Variants in GABPA observed in about 807,000 individuals in gnomAD.
GABPA encodes GA-binding protein alpha chain.
GABPA carries 4 observed loss-of-function variants against 59.4 expected under a neutral mutation model. The ratio of observed to expected loss-of-function variants is 0.07; its 90% confidence interval spans 0.03 to 0.15. The LOEUF is 0.15. Among genes scored for constraint, GABPA ranks in the 10% least tolerant of loss-of-function variants. GABPA has a pLI of 1.00. For missense variants in GABPA, 251 were observed against 543.8 expected (o/e 0.46, Z 5.36); for synonymous variants, 164 against 183.1 (o/e 0.90, Z 0.84).
At chr21:25,739,337 A>T (rs2035159998) in intron 1 of GABPA, among the ~76,000 whole-genome samples, 1 of 152,260 alleles carries the variant, frequency 6.6e-6, no homozygotes, top group Non-Finnish European at 1.5e-5. Flanking sequence ...ATGCAAATTT[A>T]GTGGCTTAAA....
chr21:25,751,625 C>T lies in GABPA; in HGVS notation c.308-364C>T, dbSNP rs1180833981. Among the ~76,000 whole-genome samples, 5 of 151,846 alleles carry T rather than the reference C, an allele frequency of 3.3e-5. No individual in the cohort carries two copies. In the East Asian group the frequency reaches 9.6e-4, roughly 29 times the overall value. ...TTAAAATTCCAAGGATAGGTAGCTG[C>T]TCATTTATACTCTGCCTAGTCTAAT... On this transcript the variant is annotated intron_variant, in intron 4 of 9. Coordinates refer to ENST00000400075, the MANE Select transcript of GABPA (RefSeq NM_002040.4).
At chr21:25,758,778 A>ACT (rs914005762) in intron 6 of GABPA, among the ~76,000 whole-genome samples, 2 of 152,202 alleles carry the variant, frequency 1.3e-5, no homozygotes, top group Non-Finnish European at 2.9e-5. Context: ...TTTTCCACTT[A>ACT]TAACTTGTAA....
intron 3 of GABPA, among the ~76,000 whole-genome samples, chr21:25,746,442 A>G (rs1256572274): frequency 6.6e-6 from 1 of 152,208 alleles, no homozygotes; most frequent in Non-Finnish European, 1.5e-5. Context: ...TGTATATTAC[A>G]GAACTTTTTT....
chr21:25,747,926 G>GT (rs1319897939), intron 3 of GABPA, among the ~76,000 whole-genome samples: 4 of 151,266 alleles, frequency 2.6e-5, no homozygotes, highest in Non-Finnish European at 5.9e-5. Context: ...GTTTTGTTTT[G>GT]TTTTTTTGGA....
At chr21:25,743,500 C>T (rs2035278443) in intron 2 of GABPA, among the ~76,000 whole-genome samples, 1 of 151,650 alleles carries the variant, frequency 6.6e-6, no homozygotes, top group African/African-American at 2.4e-5. Flanking sequence ...ATATGTATGA[C>T]CTATGTGAAG....
intron 3 of GABPA, among the ~76,000 whole-genome samples, chr21:25,745,795 T>A (rs2035347049): frequency 6.6e-6 from 1 of 152,162 alleles, no homozygotes; most frequent in African/African-American, 2.4e-5. Context: ...AATTTAAATA[T>A]CAACTGATAG....
chr21:25,747,129 G>A (rs1304262491), intron 3 of GABPA, among the ~76,000 whole-genome samples: 1 of 152,148 alleles, frequency 6.6e-6, no homozygotes, highest in Non-Finnish European at 1.5e-5. Flanking sequence ...CTACAAAAGG[G>A]TATACTGGAA....
intron 3 of GABPA, among the ~76,000 whole-genome samples, chr21:25,747,183 T>G (rs1230228701): frequency 6.6e-6 from 1 of 152,212 alleles, no homozygotes; most frequent in Non-Finnish European, 1.5e-5. Context: ...CTTCACTTGT[T>G]TGAGACGAAA....
intron 2 of GABPA, among the ~76,000 whole-genome samples, chr21:25,742,079 T>G (rs943695311): frequency 9.2e-5 from 14 of 152,220 alleles, no homozygotes; most frequent in African/African-American, 3.4e-4. Context: ...TAATCTGCCC[T>G]TATAAAGGCC....
At chr21:25,743,622 T>TA (rs2035282760) in intron 2 of GABPA, among the ~76,000 whole-genome samples, 1 of 151,704 alleles carries the variant, frequency 6.6e-6, no homozygotes, top group South Asian at 2.1e-4. Context: ...GTACTTTAGA[T>TA]ATTTGAGGTC....
In GABPA at chr21:25,770,934, CT is replaced by C. The variant is rs2035997602; in HGVS notation, c.*1708del. ...AGTAAGATTTGTATTTCCATTTTTACTTTTTTGAAAGAGAATATATGGACAG... is the reference window on the plus strand; with the variant it reads ...AGTAAGATTTGTATTTCCATTTTTACTTTTTGAAAGAGAATATATGGACAG... On this transcript the variant is annotated 3_prime_UTR_variant, in exon 10 of 10. Transcript: ENST00000400075. 1 of 151,942 alleles carries C rather than the reference CT, an allele frequency of 6.6e-6. No homozygotes were observed. Among genetic ancestry groups the C allele is most frequent in the South Asian group, 2.1e-4 (1 of 4,826 alleles). The allele number at this position is 151,942 out of a possible 1,614,324, so 9.4% of individuals were successfully genotyped here. A position where few individuals can be genotyped will look rare whatever the true frequency, so the allele number is the denominator to read the frequency against.
intron 6 of GABPA, among the ~76,000 whole-genome samples, chr21:25,761,014 T>C (rs2035753343): frequency 6.6e-6 from 1 of 152,160 alleles, no homozygotes; most frequent in Admixed American, 6.5e-5. Context: ...TTTGCCTCTT[T>C]TGAGGCTAGG....
chr21:25,750,359 C>A (rs1157508649), intron 4 of GABPA, among the ~76,000 whole-genome samples: 1 of 152,194 alleles, frequency 6.6e-6, no homozygotes, highest in Admixed American at 6.5e-5. Context: ...GATCTGCCTG[C>A]TTGTCCTCTC....
rs542725425 is a variant in GABPA, at chr21:25,769,181, C to G, written c.1314C>G (p.Val438=). 12 of 1,609,530 alleles carry G rather than the reference C, an allele frequency of 7.5e-6. No homozygotes were observed. In the South Asian group the frequency reaches 1.3e-4, roughly 18 times the overall value. The stretch of plus-strand genomic sequence containing the variant: ...AGCTCCATGGAATTGCCCAGCCAGT[C>G]ACAGCAGTAGCTCTGGCTACTGCTT... ...KMQLHGIAQP[V]TAVALATASL... The change falls in exon 10 of 10, where the codon GTC becomes GTG. Residue 438 remains valine, a synonymous_variant. Transcript: ENST00000400075.
At position 25,771,590 on chromosome 21, in the gene GABPA, T is replaced by C. The variant is rs1214985239; in HGVS notation, c.*2358T>C. ...TTACAGTTATCAGAAAGGTAGTTTT[T>C]TTCTTCTATTAAAATATAACATTGT... On this transcript the variant is annotated 3_prime_UTR_variant, in exon 10 of 10. Transcript: ENST00000400075. 6.6e-6 allele frequency: 1 copy of C among 151,968 alleles called. No homozygotes were observed. Among genetic ancestry groups the C allele is most frequent in the Non-Finnish European group, 1.5e-5 (1 of 67,856 alleles). The allele number at this position is 151,968 out of a possible 1,614,324, so 9.4% of individuals were successfully genotyped here. A position where few individuals can be genotyped will look rare whatever the true frequency, so the allele number is the denominator to read the frequency against.
intron 5 of GABPA, among the ~76,000 whole-genome samples, chr21:25,756,503 C>A (rs1339605891): frequency 1.3e-5 from 2 of 152,172 alleles, no homozygotes; most frequent in African/African-American, 4.8e-5. Context: ...ATTGCTTCAG[C>A]CCTTTAAATC....
intron 5 of GABPA, among the ~76,000 whole-genome samples, chr21:25,754,620 T>A (rs2035589966): frequency 6.6e-6 from 1 of 152,186 alleles, no homozygotes; most frequent in Non-Finnish European, 1.5e-5. Context: ...ATTATATATT[T>A]TTTTTTAACT....
intron 9 of GABPA, 140 bp downstream of exon 9, chr21:25,764,927 C>A: frequency 3.5e-6 from 2 of 563,556 alleles, no homozygotes; most frequent in Non-Finnish European, 5.7e-6. Flanking sequence ...TATTAAAAAA[C>A]CTTTTTAAAA....
At chr21:25,756,299 T>C (rs2035635095) in intron 5 of GABPA, among the ~76,000 whole-genome samples, 1 of 152,206 alleles carries the variant, frequency 6.6e-6, no homozygotes, top group African/African-American at 2.4e-5. Context: ...TGTTTTCAAG[T>C]AGTATAGTAC....
Sources: gnomAD v4.1 joint callset for allele counts (sites outside exome capture counted in the v4.1 genomes callset) on GRCh38, gnomAD v4.1.1 for gene constraint, MANE v1.5 for transcripts, NCBI Gene and HGNC (gene_info 2026-07-23, HGNC 2026-07-21) for gene names.